Variants in HDLBP observed in about 807,000 individuals in gnomAD.
HDLBP encodes the protein vigilin.
Under a neutral mutation model 137.3 loss-of-function variants are expected in HDLBP, and 30 were observed. The ratio of observed to expected loss-of-function variants is 0.22; its 90% CI spans 0.16 to 0.30. HDLBP has a LOEUF of 0.30. Ranked by LOEUF, HDLBP falls within the 10% of genes least tolerant of loss-of-function variation. HDLBP has a pLI of 1.00. For synonymous variants in HDLBP, 606 were observed against 596.0 expected (o/e 1.02, Z -0.24); for missense variants, 1,119 against 1,667.3 (o/e 0.67, Z 5.73).
intron 1 of HDLBP, chr2:241,270,890 C>G (rs1320146129): frequency 3.7e-6 from 3 of 811,046 alleles, no homozygotes; most frequent in Non-Finnish European, 4.5e-6. Flanking sequence ...TCGGGTATCT[C>G]AGATTCTCAC....
chr2:241,309,305 A>G (rs1472772537), intron 1 of HDLBP, among the ~76,000 whole-genome samples: 4 of 152,094 alleles, frequency 2.6e-5, no homozygotes, highest in African/African-American at 7.2e-5. Context: ...ACACACTTGC[A>G]TTTTCCTTAC....
intron 7 of HDLBP, 112 bp from the exon 8 acceptor site, chr2:241,255,692 G>A (rs1401632407): frequency 5.2e-6 from 4 of 776,132 alleles, no homozygotes; most frequent in Non-Finnish European, 8.9e-6. Flanking sequence ...TATAGATGCT[G>A]ATCCCAAGAA....
intron 1 of HDLBP, among the ~76,000 whole-genome samples, chr2:241,310,277 A>G (rs2075720485): frequency 6.6e-6 from 1 of 152,228 alleles, no homozygotes; most frequent in Non-Finnish European, 1.5e-5. Context: ...AATAACTTCC[A>G]GAAAGAAAAT....
chr2:241,278,648 T>TGCC (rs1351622556), intron 1 of HDLBP, among the ~76,000 whole-genome samples: 6 of 151,738 alleles, frequency 4.0e-5, no homozygotes, highest in Non-Finnish European at 8.8e-5. Context: ...CAACTAGGAA[T>TGCC]ATAAGCCAGG....
chr2:241,244,121 G>A (rs991946702), intron 16 of HDLBP, among the ~76,000 whole-genome samples: 3 of 152,106 alleles, frequency 2.0e-5, no homozygotes, highest in African/African-American at 7.2e-5. Flanking sequence ...GATGAAATGA[G>A]GCAGATTAGA....
chr2:241,278,818 A>G (rs144301346), intron 1 of HDLBP, among the ~76,000 whole-genome samples: 176 of 152,346 alleles, frequency 1.2e-3, no homozygotes, highest in African/African-American at 4.2e-3. Flanking sequence ...AAATAAAACC[A>G]ATACACACAA....
In HDLBP at chr2:241,258,153, C is replaced by T. The variant is rs59846132; in HGVS notation, c.451-1347G>A. On this transcript the variant is annotated intron_variant, in intron 5 of 27. Transcript: ENST00000310931. ...GTGGCTCACGCCTGTAATCCCAGCA[C>T]TTTGGGAGGCCGAGGTGGGTGGATC... Among the ~76,000 whole-genome samples the T allele has an allele frequency of 1.2e-3, 176 of 151,972 alleles. 1 individual carries two copies. Among genetic ancestry groups the T allele is most frequent in the African/African-American group, 3.8e-3 (159 of 41,440 alleles).
At chr2:241,276,055 C>T (rs990665777) in intron 1 of HDLBP, among the ~76,000 whole-genome samples, 1 of 151,878 alleles carries the variant, frequency 6.6e-6, no homozygotes, top group Non-Finnish European at 1.5e-5. Flanking sequence ...TAGATAGGTA[C>T]GTAAGCAGAA....
chr2:241,257,401 T>G (rs2072730440), intron 5 of HDLBP, among the ~76,000 whole-genome samples: 1 of 152,144 alleles, frequency 6.6e-6, no homozygotes, highest in African/African-American at 2.4e-5. Flanking sequence ...CCCAGCTAAT[T>G]TTTATATTTT....
intron 17 of HDLBP, among the ~76,000 whole-genome samples, chr2:241,241,612 A>C (rs1181299015): frequency 6.8e-6 from 1 of 146,090 alleles, no homozygotes; most frequent in Non-Finnish European, 1.5e-5. Context: ...AATCCACAAA[A>C]CAGTGACTGG....
intron 1 of HDLBP, among the ~76,000 whole-genome samples, chr2:241,297,686 G>A (rs2075231439): frequency 6.6e-6 from 1 of 151,998 alleles, no homozygotes; most frequent in South Asian, 2.1e-4. Flanking sequence ...CCAGGTCTGG[G>A]GCAGGGAAGG....
intron 1 of HDLBP, among the ~76,000 whole-genome samples, chr2:241,313,188 A>G (rs1232271037): frequency 6.6e-6 from 1 of 152,152 alleles, no homozygotes; most frequent in Non-Finnish European, 1.5e-5. Context: ...CTATCATTGC[A>G]CTTATCACAC....
intron 16 of HDLBP, among the ~76,000 whole-genome samples, chr2:241,246,264 G>C (rs2071667227): frequency 6.6e-6 from 1 of 151,854 alleles, no homozygotes; most frequent in African/African-American, 2.4e-5. Flanking sequence ...CCTGGGGATA[G>C]AAGTGGGGGT....
chr2:241,256,864 A>G, intron 5 of HDLBP, 58 bp from the exon 6 acceptor site: 2 of 1,468,626 alleles, frequency 1.4e-6, no homozygotes, highest in Non-Finnish European at 1.9e-6. Flanking sequence ...GAAGGAGCAT[A>G]TTTTTCCAAG....
chr2:241,275,125 T>C (rs908276099), intron 1 of HDLBP, among the ~76,000 whole-genome samples: 1 of 152,094 alleles, frequency 6.6e-6, no homozygotes. Context: ...CCAAGCCCAT[T>C]TGTCCAGGAA....
Position 241,262,891 on chromosome 2 carries a change from C to T in HDLBP, c.270G>A (p.Lys90=), listed in dbSNP as rs1481975128. 3 of 1,614,114 alleles carry T rather than the reference C, an allele frequency of 1.9e-6. No homozygotes were observed. The highest frequency in any genetic ancestry group is 1.7e-5 in the Admixed American group (1 of 60,028). The part of the protein sequence containing the change: ...FHVPLEERKY[K]DMNQFGEGEQ... ...CACCTTCTCCAAACTGGTTCATATC[C>T]TTGTATTTTCTCTCCTCCAGGGGTA... The change falls in exon 5 of 28, where the codon AAG becomes AAA. Residue 90 remains lysine (K), a synonymous_variant. Coordinates refer to ENST00000310931, the MANE Select transcript of HDLBP (RefSeq NM_005336.6).
At chr2:241,297,908 C>T (rs11687493) in intron 1 of HDLBP, among the ~76,000 whole-genome samples, 3 of 151,618 alleles carry the variant, frequency 2.0e-5, no homozygotes, top group African/African-American at 7.3e-5. Context: ...ATTAGCCGGG[C>T]GTGGTGGCAC....
chr2:241,257,836 A>G (rs13427765), intron 5 of HDLBP, among the ~76,000 whole-genome samples: 1 of 152,130 alleles, frequency 6.6e-6, no homozygotes, highest in African/African-American at 2.4e-5. Context: ...TGAAACCATT[A>G]TCATTAACAC....
intron 9 of HDLBP, 120 bp from the exon 10 acceptor site, chr2:241,253,617 A>AG (rs2072381633): frequency 4.4e-6 from 3 of 684,424 alleles, no homozygotes; most frequent in Non-Finnish European, 7.9e-6. Flanking sequence ...CATAGATGTG[A>AG]GGGAGGGAGG....
Sources: gnomAD v4.1 joint callset for allele counts (sites outside exome capture counted in the v4.1 genomes callset) on GRCh38, gnomAD v4.1.1 for gene constraint, MANE v1.5 for transcripts, NCBI Gene and HGNC (gene_info 2026-07-23, HGNC 2026-07-21) for gene names.